PDGFD: variants seen among roughly 807,000 people sequenced by gnomAD.
The protein encoded by PDGFD is platelet-derived growth factor D.
In PDGFD, 30 loss-of-function variants were observed where a neutral mutation model predicts 44.7. That is an observed-to-expected ratio of 0.67 (90% confidence interval 0.50 to 0.91). The LOEUF (loss-of-function observed/expected upper bound fraction) is 0.91, where lower values mean the gene tolerates loss of function less well. Among genes scored for constraint, PDGFD ranks in the 40% least tolerant of loss-of-function variants. The probability of loss-of-function intolerance (pLI) is 0.00; values close to 1 mark genes in which losing one functional copy is unlikely to be tolerated. For missense variants in PDGFD, 445 were observed against 457.8 expected (o/e 0.97, Z 0.25); for synonymous variants, 173 against 168.4 (o/e 1.03, Z -0.21).
chr11:104,039,472 A>G (rs1860310883), intron 1 of PDGFD, among the ~76,000 whole-genome samples: 1 of 152,092 alleles, frequency 6.6e-6, no homozygotes, highest in South Asian at 2.1e-4. Context: ...GGTAATACTA[A>G]TCAACCTTTC....
At chr11:103,976,848 G>A (rs574541160) in intron 3 of PDGFD, among the ~76,000 whole-genome samples, 25 of 151,942 alleles carry the variant, frequency 1.6e-4, no homozygotes, top group Non-Finnish European at 3.4e-4. Context: ...CATGGATTAT[G>A]TTTATTGATT....
At chr11:103,937,888 A>C (rs1858517601) in intron 5 of PDGFD, among the ~76,000 whole-genome samples, 1 of 151,736 alleles carries the variant, frequency 6.6e-6, no homozygotes, top group Non-Finnish European at 1.5e-5. Flanking sequence ...CGAACTCATC[A>C]TTTTTTATGG....
intron 1 of PDGFD, among the ~76,000 whole-genome samples, chr11:104,118,694 C>A (rs1397914867): frequency 2.4e-5 from 3 of 126,600 alleles, no homozygotes; most frequent in Non-Finnish European, 4.8e-5. Context: ...CACCTCCTCA[C>A]CATCTCCTTA....
At chr11:103,973,138 CTTT>C (rs555810765) in intron 3 of PDGFD, among the ~76,000 whole-genome samples, 5 of 134,398 alleles carry the variant, frequency 3.7e-5, no homozygotes, top group Non-Finnish European at 3.2e-5. Flanking sequence ...AAAGTGGTCA[CTTT>C]TTTTTTTTTT....
In PDGFD at chr11:104,000,845, T is replaced by A. The variant is rs1239789534; in HGVS notation, c.125-590A>T. On this transcript the variant is annotated intron_variant, in intron 1 of 6. Coordinates refer to ENST00000393158, the MANE Select transcript of PDGFD (RefSeq NM_025208.5). ...GAGTTAAAATAGGTCCAATTCTTAC[T>A]GTATTTTCTCTATGCTGTTAGCCAG... Among the ~76,000 whole-genome samples the A allele has an allele frequency of 2.0e-5, 3 of 152,344 alleles. No homozygotes were observed. The East Asian group carries it at 5.8e-4, about 29-fold the overall frequency.
chr11:103,965,969 C>T (rs2220377), intron 3 of PDGFD, among the ~76,000 whole-genome samples: 79,268 of 152,024 alleles, frequency 0.52, 21,244 homozygotes, highest in South Asian at 0.63. Context: ...AAGTTGACGG[C>T]ACTGGGGGCC....
At chr11:104,084,035 C>T (rs143796556) in intron 1 of PDGFD, among the ~76,000 whole-genome samples, 382 of 152,268 alleles carry the variant, frequency 2.5e-3, no homozygotes, top group African/African-American at 8.5e-3. Context: ...TGTGAGTTAC[C>T]ACGCACTTTG....
chr11:103,955,108 G>A (rs1336745034), intron 3 of PDGFD, among the ~76,000 whole-genome samples: 2 of 140,286 alleles, frequency 1.4e-5, no homozygotes, highest in Admixed American at 7.5e-5. Context: ...AGCTTGCAGT[G>A]AGCCGAGATC....
Position 103,925,247 on chromosome 11 carries a change from T to C in PDGFD, c.987+1665A>G, listed in dbSNP as rs1026064009. Among the ~76,000 whole-genome samples, 6 of 152,204 alleles carry C rather than the reference T, an allele frequency of 3.9e-5. No homozygotes were observed. The East Asian group carries it at 1.2e-3, about 29-fold the overall frequency. On this transcript the variant is annotated intron_variant, in intron 6 of 6. Transcript: ENST00000393158. ...GGTTCCAAGTCTTTGCTATTGTGAA[T>C]AGTGCTGCAATAAACATATGTGTGC...
chr11:104,136,232 C>A lies in PDGFD; in HGVS notation c.124+27572G>T, dbSNP rs189452190. 1.6e-4 allele frequency among the ~76,000 whole-genome samples: 25 copies of A among 152,250 alleles called. 1 individual carries two copies. The East Asian group carries it at 4.6e-3, about 28-fold the overall frequency. On this transcript the variant is annotated intron_variant, in intron 1 of 6. Coordinates refer to ENST00000393158, the MANE Select transcript of PDGFD (RefSeq NM_025208.5). ...TTAGAGACTAGACAGGCAAGAGAGT[C>A]AAGGCTATATATGACTGAATGCTCT... is the stretch of plus-strand genomic sequence containing the variant.
intron 1 of PDGFD, among the ~76,000 whole-genome samples, chr11:104,087,677 C>T (rs939022855): frequency 2.6e-5 from 4 of 152,182 alleles, no homozygotes; most frequent in African/African-American, 7.2e-5. Context: ...AACAACTATT[C>T]GGAAAGATTT....
At chr11:104,040,381 A>G (rs1860328118) in intron 1 of PDGFD, among the ~76,000 whole-genome samples, 1 of 152,142 alleles carries the variant, frequency 6.6e-6, no homozygotes, top group East Asian at 1.9e-4. Flanking sequence ...AAAATGAATT[A>G]ATTAAGCAAT....
chr11:103,938,186 C>T (rs1275145603), intron 5 of PDGFD, among the ~76,000 whole-genome samples: 2 of 152,052 alleles, frequency 1.3e-5, no homozygotes, highest in Non-Finnish European at 2.9e-5. Context: ...TAAAAGTGTT[C>T]CTATTTCTCC....
chr11:103,985,543 G>A (rs953548946), intron 3 of PDGFD, among the ~76,000 whole-genome samples: 1 of 151,732 alleles, frequency 6.6e-6, no homozygotes, highest in African/African-American at 2.4e-5. Context: ...CTTTGACAGG[G>A]AGAAGAGGGC....
intron 6 of PDGFD, among the ~76,000 whole-genome samples, chr11:103,925,171 A>G (rs963174227): frequency 4.6e-5 from 7 of 152,306 alleles, no homozygotes; most frequent in Admixed American, 2.0e-4. Flanking sequence ...TCCATGGTGT[A>G]TATGTGCCAC....
At chr11:104,040,042 T>C (rs1860322770) in intron 1 of PDGFD, among the ~76,000 whole-genome samples, 1 of 152,134 alleles carries the variant, frequency 6.6e-6, no homozygotes, top group Admixed American at 6.5e-5. Flanking sequence ...TGTTTCTTAT[T>C]TTGAGCTGAA....
At chr11:104,126,632 G>T (rs959022050) in intron 1 of PDGFD, among the ~76,000 whole-genome samples, 5 of 152,064 alleles carry the variant, frequency 3.3e-5, no homozygotes, top group African/African-American at 1.2e-4. Context: ...TAGTAAGAGA[G>T]GAACATATAT....
In PDGFD at chr11:104,046,396, T is replaced by C; in HGVS notation, c.125-46141A>G. 1.4e-5 allele frequency among the ~76,000 whole-genome samples: 2 copies of C among 147,862 alleles called. 1 individual carries two copies. The stretch of plus-strand genomic sequence containing the variant: ...TCTATCAGAAATGACTGCATAACGT[T>C]AAAGCAACAGATGGGTAGTTAGAAT... On this transcript the variant is annotated intron_variant, in intron 1 of 6. Coordinates refer to ENST00000393158, the MANE Select transcript of PDGFD (RefSeq NM_025208.5).
chr11:104,028,145 G>A (rs144922222), intron 1 of PDGFD, among the ~76,000 whole-genome samples: 4 of 146,070 alleles, frequency 2.7e-5, no homozygotes, highest in African/African-American at 5.1e-5. Context: ...AGCCGAGACC[G>A]TACCACTGCA....
Sources: gnomAD v4.1 joint callset for allele counts (sites outside exome capture counted in the v4.1 genomes callset) on GRCh38, gnomAD v4.1.1 for gene constraint, MANE v1.5 for transcripts, NCBI Gene and HGNC (gene_info 2026-07-23, HGNC 2026-07-21) for gene names.